Variants in STK31 observed in about 807,000 individuals in gnomAD.
STK31 encodes the protein serine/threonine kinase 31.
A neutral mutation model predicts 129.7 loss-of-function variants in STK31; 89 were observed. That is an observed-to-expected ratio of 0.69 (90% CI 0.58 to 0.82). The LOEUF is 0.82. Among genes scored for constraint, STK31 ranks in the 40% least tolerant of loss-of-function variants. STK31 has a pLI of 0.00. For synonymous variants in STK31, 448 were observed against 395.3 expected, an observed-to-expected ratio of 1.13 and a Z score of -1.58; for missense variants, 1,187 against 1,176.4, an observed-to-expected ratio of 1.01 and a Z score of -0.13.
chr7:23,816,265 T>C (rs1388034036), intron 23 of STK31, among the ~76,000 whole-genome samples: 4 of 152,170 alleles, frequency 2.6e-5, no homozygotes. Context: ...TGATAAAAAT[T>C]TATTGCTATT....
chr7:23,808,473 C>T (rs1419615786), intron 22 of STK31, among the ~76,000 whole-genome samples: 2 of 152,146 alleles, frequency 1.3e-5, no homozygotes, highest in African/African-American at 4.8e-5. Context: ...CCCAGTGGGT[C>T]CTGCCAACAC....
intron 23 of STK31, among the ~76,000 whole-genome samples, chr7:23,830,571 G>C (rs796197168): frequency 3.1e-4 from 45 of 146,238 alleles, no homozygotes; most frequent in African/African-American, 1.0e-3. Flanking sequence ...TCATTCAGCA[G>C]CACGTTGTTT....
intron 3 of STK31, among the ~76,000 whole-genome samples, chr7:23,712,647 A>G (rs1480485789): frequency 6.6e-6 from 1 of 152,112 alleles, no homozygotes; most frequent in East Asian, 1.9e-4. Flanking sequence ...TTCTTGAAGG[A>G]GGATAAGTTA....
chr7:23,730,878 A>ATATATATATTTTTTTTTTTTTT, intron 6 of STK31, among the ~76,000 whole-genome samples: 2 of 59,552 alleles, frequency 3.4e-5, no homozygotes, highest in Non-Finnish European at 6.6e-5. Flanking sequence ...ATATATATAT[A>ATATATATATTTTTTTTTTTTTT]TTTTTTTTTT....
At chr7:23,826,649 A>G (rs1328982407) in intron 23 of STK31, among the ~76,000 whole-genome samples, 1 of 152,106 alleles carries the variant, frequency 6.6e-6, no homozygotes, top group Non-Finnish European at 1.5e-5. Flanking sequence ...TTATGATGTT[A>G]GCTGGTTATT....
chr7:23,792,542 A>G (rs1791682932), intron 22 of STK31, among the ~76,000 whole-genome samples: 1 of 152,204 alleles, frequency 6.6e-6, no homozygotes, highest in African/African-American at 2.4e-5. Flanking sequence ...TTCTTGGCTT[A>G]TAGATTCGAT....
At chr7:23,828,950 A>G (rs1235149688) in intron 23 of STK31, among the ~76,000 whole-genome samples, 1 of 149,936 alleles carries the variant, frequency 6.7e-6, no homozygotes, top group Non-Finnish European at 1.5e-5. Flanking sequence ...GCCCAGCTGG[A>G]GTGCAGTGGC....
In STK31 at chr7:23,741,355, GTC is replaced by G. The variant is rs140599421; in HGVS notation, c.1017+4279_1017+4280del. 3.2e-3 allele frequency among the ~76,000 whole-genome samples: 487 copies of G among 152,280 alleles called. 3 individuals are homozygous for G. The highest frequency in any genetic ancestry group is 0.01 in the Middle Eastern group (3 of 294). On this transcript the variant is annotated intron_variant, in intron 8 of 23. Transcript: ENST00000355870. ...AGTCTTTGCTTCTAGGTTATAGAAT[GTC>G]TAATTGATAGGGTTAGGAAATATTA...
At chr7:23,760,391 C>G (rs149037139) in intron 10 of STK31, among the ~76,000 whole-genome samples, 89 of 152,234 alleles carry the variant, frequency 5.8e-4, no homozygotes, top group South Asian at 2.7e-3. Context: ...TTGAAAATGC[C>G]AGGAATGTTT....
intron 3 of STK31, among the ~76,000 whole-genome samples, chr7:23,713,662 G>A (rs1039039004): frequency 6.6e-6 from 1 of 151,762 alleles, no homozygotes; most frequent in African/African-American, 2.4e-5. Flanking sequence ...GGTTAAAAAC[G>A]AAGACAAGAT....
chr7:23,775,070 CATTT>C (rs1257124564), intron 15 of STK31, among the ~76,000 whole-genome samples: 1 of 152,062 alleles, frequency 6.6e-6, no homozygotes, highest in Non-Finnish European at 1.5e-5. Context: ...TTCCCAATAA[CATTT>C]ATTAAATAGG....
intron 22 of STK31, among the ~76,000 whole-genome samples, chr7:23,797,804 A>G (rs1264457116): frequency 2.0e-5 from 3 of 152,244 alleles, no homozygotes; most frequent in Non-Finnish European, 4.4e-5. Context: ...AACCCTTCAA[A>G]AAATCAATGA....
intron 15 of STK31, among the ~76,000 whole-genome samples, chr7:23,774,674 T>A (rs1382046980): frequency 6.6e-6 from 1 of 152,352 alleles, no homozygotes; most frequent in East Asian, 1.9e-4. Context: ...ATTCTGGATA[T>A]TAAACCTTTG....
chr7:23,793,553 C>G (rs1199482180), intron 22 of STK31, among the ~76,000 whole-genome samples: 1 of 152,076 alleles, frequency 6.6e-6, no homozygotes, highest in Non-Finnish European at 1.5e-5. Flanking sequence ...AGAAGACTGC[C>G]CAGTTAAGAA....
intron 22 of STK31, 99 bp from the exon 23 acceptor site, chr7:23,815,045 C>G: frequency 1.2e-6 from 1 of 809,754 alleles, no homozygotes; most frequent in Non-Finnish European, 1.9e-6. Context: ...TAAGTAAGCT[C>G]TTTTCTAGTC....
chr7:23,797,901 A>T, intron 22 of STK31, among the ~76,000 whole-genome samples: 1 of 152,224 alleles, frequency 6.6e-6, no homozygotes. Context: ...GACACAATAA[A>T]AAATGATAAA....
intron 17 of STK31, among the ~76,000 whole-genome samples, chr7:23,784,001 C>G (rs1791099818): frequency 6.6e-6 from 1 of 152,050 alleles, no homozygotes. Context: ...CAAGATATTG[C>G]TAGCCCTGAG....
chr7:23,767,628 C>A (rs573928125), intron 11 of STK31, among the ~76,000 whole-genome samples: 30 of 152,298 alleles, frequency 2.0e-4, no homozygotes, highest in African/African-American at 7.2e-4. Context: ...TGGTCAGGGG[C>A]TGGCCAGCTC....
intron 20 of STK31, among the ~76,000 whole-genome samples, 193 bp from the exon 21 acceptor site, chr7:23,787,780 ACAAACAC>A (rs1221228867): frequency 3.4e-5 from 5 of 147,430 alleles, no homozygotes; most frequent in African/African-American, 7.7e-5. Flanking sequence ...ACACACACAC[ACAAACAC>A]ACACAGGCAC....
Sources: allele counts gnomAD v4.1 joint callset (sites outside exome capture counted in the v4.1 genomes callset), GRCh38; gene constraint gnomAD v4.1.1; transcripts MANE v1.5; gene names NCBI Gene and HGNC (gene_info 2026-07-23, HGNC 2026-07-21).